CAPN2: variants seen among roughly 807,000 people sequenced by gnomAD.
CAPN2 encodes the protein calpain-2 catalytic subunit.
A neutral mutation model predicts 102.3 loss-of-function variants in CAPN2; 92 were observed. That is an observed-to-expected ratio of 0.90 (90% confidence interval 0.76 to 1.07). The LOEUF (loss-of-function observed/expected upper bound fraction) is 1.07. CAPN2 is among the 50% of genes least tolerant of loss of function. The pLI, the probability that CAPN2 is intolerant of heterozygous loss-of-function variation, is 0.00. For synonymous variants in CAPN2, 340 were observed against 355.4 expected (o/e 0.96, Z 0.49); for missense variants, 800 against 909.4 (o/e 0.88, Z 1.55).
chr1:223,719,805 CGTGTGTGTGTGT>C (rs10556130), intron 2 of CAPN2, among the ~76,000 whole-genome samples: 3 of 143,658 alleles, frequency 2.1e-5, no homozygotes, highest in Non-Finnish European at 3.0e-5. Flanking sequence ...GGGGTGTGTG[CGTGTGTGTGTGT>C]GTGTGTGTGT....
Position 223,712,863 on chromosome 1 carries a change from T to G in CAPN2, c.223T>G (p.Trp75Gly). Residue 75 changes from tryptophan (W) to glycine (G), a missense_variant, in exon 1 of 21, where the codon TGG becomes GGG. Physicochemically the swap from Trp to Gly is radical, Grantham distance 184. Coordinates refer to ENST00000295006, the MANE Select transcript of CAPN2 (RefSeq NM_001748.5). ...CTCCAGCAAAACCCGGGGCATCGAG[T>G]GGAAGCGCCCCACGGTAGGAAGCGC... Reference protein sequence around the residue: ...PYSSKTRGIEWKRPTEICADP... With the variant: ...PYSSKTRGIEGKRPTEICADP... The G allele has an allele frequency of 1.3e-6, 2 of 1,537,426 alleles. No individual in the cohort carries two copies. Among genetic ancestry groups the G allele is most frequent in the African/African-American group, 2.8e-5 (2 of 70,526 alleles).
In CAPN2 at chr1:223,764,187, T is replaced by C. The variant is rs746450159; in HGVS notation, c.1670T>C (p.Leu557Pro). 1 of 1,613,890 alleles carries C rather than the reference T, an allele frequency of 6.2e-7. No individual in the cohort carries two copies. The highest frequency in any genetic ancestry group is 8.5e-7 in the Non-Finnish European group (1 of 1,179,804). The change falls in exon 15 of 21, where the codon CTG becomes CCG. Residue 557 changes from leucine (L) to proline (P), a missense_variant. Transcript: ENST00000295006. ...EISAFELQTILRRVLAKRQDI... is the reference protein window; with the variant it reads ...EISAFELQTIPRRVLAKRQDI... ...TCTGCCTTTGAGCTGCAGACCATCC[T>C]GAGAAGGGTTCTAGCAAAGCGTGAG...
intron 2 of CAPN2, among the ~76,000 whole-genome samples, chr1:223,739,328 C>T (rs544543487): frequency 3.3e-5 from 5 of 152,040 alleles, no homozygotes; most frequent in Admixed American, 1.3e-4. Context: ...GGACTACAGG[C>T]GCGTGCCAAC....
intron 2 of CAPN2, among the ~76,000 whole-genome samples, chr1:223,718,711 C>A (rs903942177): frequency 2.2e-4 from 33 of 152,186 alleles, no homozygotes; most frequent in African/African-American, 8.0e-4. Flanking sequence ...TCATCAGTAG[C>A]AAAATCAGTC....
In CAPN2 at chr1:223,770,502, T is replaced by A. The variant is rs1394755484; in HGVS notation, c.1880T>A (p.Met627Lys). The change falls in exon 18 of 21, where the codon ATG becomes AAG. Residue 627 changes from methionine to lysine, a missense_variant. By Grantham distance (95) the Met-to-Lys change is moderately conservative. Transcript: ENST00000295006. ...DRSGTMNSYE[M>K]RKALEEAGFK... ...TCTGGTACCATGAATTCCTATGAAA[T>A]GCGGAAGGCATTAGAAGAAGCAGGT... The A allele has an allele frequency of 1.2e-6, 2 of 1,613,784 alleles. No individual in the cohort carries two copies. The highest frequency in any genetic ancestry group is 2.2e-5 in the South Asian group (2 of 91,060).
intron 2 of CAPN2, among the ~76,000 whole-genome samples, chr1:223,735,401 G>C (rs1179487642): frequency 6.6e-6 from 1 of 151,852 alleles, no homozygotes; most frequent in Non-Finnish European, 1.5e-5. Context: ...GGTGGTGGGC[G>C]CCTGTAATCC....
In CAPN2 at chr1:223,706,492, A is replaced by G. The variant is rs547539692; in HGVS notation, c.3+4661A>G. Among the ~76,000 whole-genome samples, 12 of 152,304 alleles carry G rather than the reference A, an allele frequency of 7.9e-5. No homozygotes were observed. In the South Asian group the frequency reaches 2.5e-3, roughly 32 times the overall value. The stretch of plus-strand genomic sequence containing the variant: ...CCTGAAAGAGGGAGGGGAAGAAAAC[A>G]GGTTCTTTTCCTCTGCCTGGGCCTG... On this transcript the variant is annotated intron_variant, in intron 1 of 20. Transcript: ENST00000433674.
chr1:223,766,895 G>A (rs1208291307), intron 16 of CAPN2, among the ~76,000 whole-genome samples: 5 of 151,990 alleles, frequency 3.3e-5, no homozygotes, highest in Non-Finnish European at 5.9e-5. Context: ...GGGAGGCGGA[G>A]GTTGCAGTGA....
intron 18 of CAPN2, chr1:223,770,759 C>T: frequency 2.8e-6 from 1 of 362,482 alleles, no homozygotes; most frequent in Non-Finnish European, 5.0e-6. Context: ...TTTGGAGCCG[C>T]CTGGCACAGT....
In CAPN2 at chr1:223,772,180, G is replaced by GAGAT; in HGVS notation, c.2022_2025dup (p.Phe676AspfsTer3). 1 of 1,614,046 alleles carries GAGAT rather than the reference G, an allele frequency of 6.2e-7. No individual in the cohort carries two copies. The highest frequency in any genetic ancestry group is 2.2e-5 in the East Asian group (1 of 44,880). ...GACACCCTCTTTTTCTCCCTCCACAGAGATATTTAAGCAGCTGGATCCCGA... is the reference window on the plus strand; with the variant it reads ...GACACCCTCTTTTTCTCCCTCCACAGAGATAGATATTTAAGCAGCTGGATCCCGA... On this transcript the variant is annotated frameshift_variant and splice_region_variant. Coordinates refer to ENST00000295006, the MANE Select transcript of CAPN2 (RefSeq NM_001748.5). LOFTEE classifies it high-confidence loss of function.
At chr1:223,720,889 A>G (rs941464773) in intron 2 of CAPN2, among the ~76,000 whole-genome samples, 19 of 152,154 alleles carry the variant, frequency 1.2e-4, no homozygotes, top group African/African-American at 4.3e-4. Context: ...GCTCCCTCCA[A>G]TTTGCCATAG....
chr1:223,752,114 A>T, intron 8 of CAPN2, 43 bp downstream of exon 8: 1 of 1,370,396 alleles, frequency 7.3e-7, no homozygotes, highest in East Asian at 2.3e-5. Flanking sequence ...GTCTGCCCCA[A>T]TGTTCTTTAC....
At chr1:223,735,400 C>G (rs188484076) in intron 2 of CAPN2, among the ~76,000 whole-genome samples, 1 of 151,772 alleles carries the variant, frequency 6.6e-6, no homozygotes, top group Non-Finnish European at 1.5e-5. Flanking sequence ...TGGTGGTGGG[C>G]GCCTGTAATC....
At chr1:223,718,369 A>T (rs1659938771) in intron 2 of CAPN2, among the ~76,000 whole-genome samples, 1 of 152,238 alleles carries the variant, frequency 6.6e-6, no homozygotes, top group Non-Finnish European at 1.5e-5. Context: ...CACAGTTGTA[A>T]CGCTCATTTA....
chr1:223,752,946 G>A lies in CAPN2; in HGVS notation c.1125G>A (p.Arg375=), dbSNP rs1488369195. The A allele has an allele frequency of 6.2e-7, 1 of 1,614,052 alleles. No homozygotes were observed. The highest frequency in any genetic ancestry group is 1.7e-4 in the Middle Eastern group (1 of 6,036). The change falls in exon 9 of 21, where the codon AGG becomes AGA. Residue 375 remains arginine (R), a synonymous_variant. Coordinates refer to ENST00000295006, the MANE Select transcript of CAPN2 (RefSeq NM_001748.5). ...WRRGSTAGGC[R]NYPNTFWMNP... ...GGGGCTCCACCGCGGGAGGTTGCAGGAACTACCCGAGTAAGGGCTGTTGCA... is the reference window on the plus strand; with the variant it reads ...GGGGCTCCACCGCGGGAGGTTGCAGAAACTACCCGAGTAAGGGCTGTTGCA...
intron 2 of CAPN2, among the ~76,000 whole-genome samples, chr1:223,737,279 T>C (rs1156335245): frequency 6.6e-6 from 1 of 152,142 alleles, no homozygotes. Flanking sequence ...GACAGAAGCA[T>C]GGCTGGGTAT....
intron 17 of CAPN2, chr1:223,770,132 T>G (rs28716249): frequency 1.7e-6 from 1 of 591,740 alleles, no homozygotes; most frequent in South Asian, 2.1e-5. Flanking sequence ...TCCTGATTAT[T>G]GGGATCATCT....
intron 13 of CAPN2, 31 bp downstream of exon 13, chr1:223,761,648 C>T: frequency 6.3e-7 from 1 of 1,581,842 alleles, no homozygotes; most frequent in Non-Finnish European, 8.7e-7. Context: ...TTCACCCACT[C>T]TGTCCTGGAC....
intron 2 of CAPN2, among the ~76,000 whole-genome samples, chr1:223,729,374 A>G (rs912125046): frequency 1.3e-5 from 2 of 152,242 alleles, no homozygotes; most frequent in Non-Finnish European, 2.9e-5. Context: ...CAATTAAGGT[A>G]GGCTAGGCTA....
Sources: gnomAD v4.1 joint callset for allele counts (sites outside exome capture counted in the v4.1 genomes callset) on GRCh38, gnomAD v4.1.1 for gene constraint, MANE v1.5 for transcripts, NCBI Gene and HGNC (gene_info 2026-07-23, HGNC 2026-07-21) for gene names.